FLNA: variants seen among roughly 807,000 people sequenced by gnomAD.
FLNA encodes the protein filamin A.
Under a neutral mutation model 157.6 loss-of-function variants are expected in FLNA, and 7 were observed. That is an observed-to-expected ratio of 0.04 (90% CI 0.03 to 0.08). The LOEUF is 0.08. Among genes scored for constraint, FLNA ranks in the 10% least tolerant of loss-of-function variants. The pLI is 1.00. For missense variants in FLNA, 1,750 were observed against 2,398.4 expected (o/e 0.73, Z 5.65); for synonymous variants, 1,103 against 1,060.8 (o/e 1.04, Z -0.77).
rs782321229 is a variant in FLNA, at chrX:154,353,302, G to A, written c.6016C>T (p.His2006Tyr). ...PCLLKRLRNG[H>Y]VGISFVPKET... Reference sequence around the variant, plus strand: ...GGACCCTTCAGCCGCTTACCCACGTGGCCATTACGCAGCCGCTTCAGCAAA... The same window carrying A: ...GGACCCTTCAGCCGCTTACCCACGTAGCCATTACGCAGCCGCTTCAGCAAA... The change falls in exon 37 of 48, where the codon CAC (histidine) becomes TAC (tyrosine). Residue 2006 changes from histidine (H) to tyrosine (Y), a missense_variant. His to Tyr is a moderately conservative substitution (Grantham distance 83, BLOSUM62 2). Around this residue, in one of 5 missense-constraint regions of FLNA, gnomAD observed 970 missense variants for 1,302.6 expected, o/e 0.74. Transcript: ENST00000369850. 7 of 1,210,584 alleles carry A rather than the reference G, an allele frequency of 5.8e-6. No homozygotes were observed.
chrX:154,362,070 G>A lies in FLNA; in HGVS notation c.2735C>T (p.Ser912Leu), dbSNP rs782140888. 4.1e-6 allele frequency: 5 copies of A among 1,211,352 alleles called. No homozygotes were observed. In the Admixed American group the frequency reaches 1.1e-4, roughly 26 times the overall value. Residue 912 changes from serine to leucine, a missense_variant, in exon 19 of 48, where the codon TCA becomes TTA. Ser to Leu is a moderately radical substitution (Grantham distance 145, BLOSUM62 -2). This residue lies in a region of FLNA where 648 missense variants were observed against 805.8 expected (regional missense o/e 0.80). Transcript: ENST00000369850. ...CACTGCATCCCCCTTGGTGAGTCCT[G>A]AGAACTGGACGTCCAGCTTGCCTTT... is the stretch of plus-strand genomic sequence containing the variant. ...AGKGKLDVQF[S>L]GLTKGDAVRD... is the part of the protein sequence containing the mutation.
Position 154,354,462 on chromosome X carries a change from C to A in FLNA, c.5335G>T (p.Gly1779Cys). 3 of 1,211,308 alleles carry A rather than the reference C, an allele frequency of 2.5e-6. No homozygotes were observed. Among genetic ancestry groups the A allele is most frequent in the Non-Finnish European group, 3.4e-6 (3 of 895,160 alleles). The part of the protein sequence containing the change: ...QTWAPERPLV[G>C]VNGLDVTSLR... The stretch of plus-strand genomic sequence containing the variant: ...CTGGTCACATCCAGCCCATTGACAC[C>A]CACCAGGGGCCTCTCCGGGGCCTGC... The change falls in exon 33 of 48, where the codon GGT (glycine) becomes TGT (cysteine). Residue 1779 changes from glycine (G) to cysteine (C), a missense_variant. By Grantham distance (159) the Gly-to-Cys change is radical. Around this residue, in one of 5 missense-constraint regions of FLNA, gnomAD observed 970 missense variants for 1,302.6 expected, o/e 0.74. Coordinates refer to ENST00000369850, the MANE Select transcript of FLNA (RefSeq NM_001110556.2).
chrX:154,365,053 C>T (rs2148116698), intron 11 of FLNA, 83 bp downstream of exon 11: 1 of 1,201,232 alleles, frequency 8.3e-7, no homozygotes. Context: ...GCCCATGTGG[C>T]CCCTCATCAT....
Position 154,371,312 on chromosome X carries a change from G to A in FLNA, c.-67C>T. 6.0e-6 allele frequency: 7 copies of A among 1,161,492 alleles called. No individual in the cohort carries two copies. Among genetic ancestry groups the A allele is most frequent in the Non-Finnish European group, 8.0e-6 (7 of 870,805 alleles). ...GCGAGGGGACGGCCCTTTAATTAAAGTCGCAGGCACCTAGGCGCGCGGGAG... is the reference window on the plus strand; with the variant it reads ...GCGAGGGGACGGCCCTTTAATTAAAATCGCAGGCACCTAGGCGCGCGGGAG... On this transcript the variant is annotated 5_prime_UTR_variant, in exon 2 of 48. Transcript: ENST00000369850.
rs782031542 is a variant in FLNA at position 154,354,658 on chromosome X, C to T, written c.5271G>A (p.Leu1757=). ...CCTGGGCGTAGGTGTACTGTGGGGCCAGCTGCTGAGACCGTAGAGGGGGCT... is the reference window on the plus strand; with the variant it reads ...CCTGGGCGTAGGTGTACTGTGGGGCTAGCTGCTGAGACCGTAGAGGGGGCT... ...SVQPPLRSQQ[L]APQYTYAQGG... is the part of the protein sequence containing the mutation. The change falls in exon 32 of 48, where the codon CTG becomes CTA. Residue 1757 remains leucine (L), a synonymous_variant. Coordinates refer to ENST00000369850, the MANE Select transcript of FLNA (RefSeq NM_001110556.2). 1.2e-5 allele frequency: 15 copies of T among 1,206,145 alleles called. No individual in the cohort carries two copies. In the East Asian group the frequency reaches 2.7e-4, roughly 22 times the overall value.
intron 45 of FLNA, 82 bp from the exon 46 acceptor site, chrX:154,349,949 G>C: frequency 3.4e-6 from 4 of 1,181,960 alleles, no homozygotes; most frequent in Non-Finnish European, 4.6e-6. Context: ...GTCACCTCCA[G>C]GTGCCTCCTG....
intron 21 of FLNA, 109 bp downstream of exon 21, chrX:154,361,199 A>G: frequency 4.3e-6 from 3 of 699,549 alleles, no homozygotes; most frequent in Non-Finnish European, 6.0e-6. Flanking sequence ...TCTCAGGAAA[A>G]AAAAAAAAAA....
intron 30 of FLNA, among the ~76,000 whole-genome samples, chrX:154,356,421 C>T (rs1557176855): frequency 8.9e-6 from 1 of 112,143 alleles, no homozygotes; most frequent in Non-Finnish European, 1.9e-5. Context: ...CAGCCTCCCC[C>T]GCCCTGCGCA....
intron 1 of FLNA, 100 bp from the exon 2 acceptor site, chrX:154,371,461 C>T (rs1352262139): frequency 2.2e-5 from 9 of 413,414 alleles, no homozygotes; most frequent in Non-Finnish European, 3.7e-5. Flanking sequence ...GAGGGCGCGC[C>T]TGCCCCACCC....
rs782779958 is a variant in FLNA, at chrX:154,353,052, C to T, written c.6175G>A (p.Glu2059Lys). The T allele has an allele frequency of 3.4e-5, 41 of 1,210,258 alleles. No individual in the cohort carries two copies. The highest frequency in any genetic ancestry group is 3.9e-5 in the Non-Finnish European group (35 of 895,241). Residue 2059 changes from glutamate (E) to lysine (K), a missense_variant, in exon 38 of 48, where the codon GAA (glutamate) becomes AAA (lysine). Glu to Lys is a moderately conservative substitution (Grantham distance 56). Around this residue, in one of 5 missense-constraint regions of FLNA, gnomAD observed 970 missense variants for 1,302.6 expected, o/e 0.74. Coordinates refer to ENST00000369850, the MANE Select transcript of FLNA (RefSeq NM_001110556.2). Reference protein sequence around the residue: ...RVRVSGQGLHEGHTFEPAEFI... With the variant: ...RVRVSGQGLHKGHTFEPAEFI... Reference sequence around the variant, plus strand: ...TCTGCAGGCTCAAAGGTGTGGCCTTCGTGAAGGCCCTGACCAGAGACCCGA... The same window carrying T: ...TCTGCAGGCTCAAAGGTGTGGCCTTTGTGAAGGCCCTGACCAGAGACCCGA...
chrX:154,364,018 T>G lies in FLNA; in HGVS notation c.2280+4A>C, dbSNP rs1557178597. 8.3e-7 allele frequency: 1 copy of G among 1,210,772 alleles called. No homozygotes were observed. The highest frequency in any genetic ancestry group is 1.1e-6 in the Non-Finnish European group (1 of 894,826). Reference sequence around the variant, plus strand: ...GGACTAAAGGCCGGTGGAGGTTGGCTCACCCTGAAGGGGCTGTTGGGGATG... The same window carrying G: ...GGACTAAAGGCCGGTGGAGGTTGGCGCACCCTGAAGGGGCTGTTGGGGATG... On this transcript the variant is annotated splice_donor_region_variant and intron_variant, in intron 15 of 47. Transcript: ENST00000369850.
At position 154,360,389 on chromosome X, in the gene FLNA, T is replaced by C. The variant is rs782395522; in HGVS notation, c.3406A>G (p.Ile1136Val). The change falls in exon 22 of 48, where the codon ATC becomes GTC. Residue 1136 changes from isoleucine to valine, a missense_variant. Ile to Val is a conservative substitution (Grantham distance 29). This residue lies in a region of FLNA where 648 missense variants were observed against 805.8 expected (regional missense o/e 0.80). Transcript: ENST00000369850. ...YVPTEPGDYN[I>V]NILFADTHIP... ...TGGGTGTCAGCGAAGAGGATGTTGA[T>C]GTTGTAGTCCCCGGGCTCGGTGGGC... is the stretch of plus-strand genomic sequence containing the variant. 4.1e-6 allele frequency: 5 copies of C among 1,211,175 alleles called. No individual in the cohort carries two copies. The highest frequency in any genetic ancestry group is 1.1e-6 in the Non-Finnish European group (1 of 895,457).
chrX:154,351,453 C>A (rs1313458387), intron 43 of FLNA, 128 bp downstream of exon 43: 4 of 496,736 alleles, frequency 8.1e-6, no homozygotes, highest in Non-Finnish European at 1.1e-5. Flanking sequence ...CCGGCCAGAG[C>A]AGAGGCCTGG....
Position 154,355,393 on chromosome X carries a change from G to A in FLNA, c.4970-321C>T, listed in dbSNP as rs1206210285. ...TCCCTTGCCTACTCAGCCTCGTCCA[G>A]CACCATGGCCCACACTGCTGAACGC... On this transcript the variant is annotated intron_variant, in intron 30 of 47. Transcript: ENST00000369850. Among the ~76,000 whole-genome samples the A allele has an allele frequency of 6.1e-5, 7 of 113,844 alleles. No individual in the cohort carries two copies. In the Admixed American group the frequency reaches 6.4e-4, roughly 10 times the overall value.
Position 154,362,585 on chromosome X carries a change from C to T in FLNA, c.2405-7G>A, listed in dbSNP as rs782134654. The T allele has an allele frequency of 1.4e-5, 17 of 1,209,318 alleles. No individual in the cohort carries two copies. The highest frequency in any genetic ancestry group is 1.8e-5 in the South Asian group (1 of 56,906). Reference sequence around the variant, plus strand: ...ATGCCGATGCTGACGTCCCCTGCGGCGGGGAGAGGAGCGGAGGCTGAGACC... The same window carrying T: ...ATGCCGATGCTGACGTCCCCTGCGGTGGGGAGAGGAGCGGAGGCTGAGACC... On this transcript the variant is annotated splice_region_variant and splice_polypyrimidine_tract_variant and intron_variant, in intron 16 of 47. Coordinates refer to ENST00000369850, the MANE Select transcript of FLNA (RefSeq NM_001110556.2).
At position 154,371,204 on chromosome X, in the gene FLNA, G is replaced by A. The variant is rs1344800478; in HGVS notation, c.42C>T (p.Gly14=). Residue 14 remains glycine (G), a synonymous_variant, in exon 2 of 48, where the codon GGC becomes GGT. Coordinates refer to ENST00000369850, the MANE Select transcript of FLNA (RefSeq NM_001110556.2). ...TGTCGACGCCGCCGCCCGGAGCCGC[G>A]CCTGCTGCGCTCTGGCCCGCCCGAG... ...SHSRAGQSAA[G]AAPGGGVDTR... The A allele has an allele frequency of 5.8e-6, 7 of 1,197,415 alleles. No individual in the cohort carries two copies. The highest frequency in any genetic ancestry group is 7.9e-6 in the Non-Finnish European group (7 of 889,031).
intron 26 of FLNA, 138 bp downstream of exon 26, chrX:154,358,846 G>A (rs2067682038): frequency 1.3e-6 from 1 of 748,374 alleles, no homozygotes; most frequent in African/African-American, 2.1e-5. Context: ...ACTGTCACCT[G>A]AGGCTCTTCC....
At position 154,362,159 on chromosome X, in the gene FLNA, C is replaced by T. The variant is rs1452622660; in HGVS notation, c.2657-11G>A. The T allele has an allele frequency of 1.2e-5, 14 of 1,209,705 alleles. No homozygotes were observed. The highest frequency in any genetic ancestry group is 1.6e-5 in the Non-Finnish European group (14 of 894,810). ...TGCCAAGCTCGACACCTGAGGAACA[C>T]ACAGGGACCATGTAGGGGCACCCTG... is the stretch of plus-strand genomic sequence containing the variant. On this transcript the variant is annotated splice_polypyrimidine_tract_variant and intron_variant, in intron 18 of 47. Coordinates refer to ENST00000369850, the MANE Select transcript of FLNA (RefSeq NM_001110556.2).
At chrX:154,369,440 A>G (rs1262777796) in intron 2 of FLNA, among the ~76,000 whole-genome samples, 2 of 111,780 alleles carry the variant, frequency 1.8e-5, no homozygotes, top group Non-Finnish European at 3.8e-5. Context: ...TCCCCCTCCC[A>G]AAAGAGAGAG....
Sources: gnomAD v4.1 joint callset for allele counts (sites outside exome capture counted in the v4.1 genomes callset) on GRCh38, gnomAD v4.1.1 for gene constraint, gnomAD v4.1.1 regional missense constraint, MANE v1.5 for transcripts, NCBI Gene and HGNC (gene_info 2026-07-23, HGNC 2026-07-21) for gene names.